NPAS3: variants seen among roughly 807,000 people sequenced by gnomAD.
The protein encoded by NPAS3 is neuronal PAS domain protein 3, also known as neuronal PAS domain-containing protein 3.
NPAS3 carries 14 observed loss-of-function variants against 73.1 expected under a neutral mutation model. The ratio of observed to expected loss-of-function variants is 0.19; its 90% CI spans 0.13 to 0.30. The LOEUF is 0.30. NPAS3 is among the 10% of genes least tolerant of loss of function. NPAS3 has a pLI of 1.00. For missense variants in NPAS3, 1,096 were observed against 1,250.0 expected (o/e 0.88, Z 1.86); for synonymous variants, 620 against 541.5 (o/e 1.14, Z -2.01).
chr14:33,580,737 A>G (rs1265225185), intron 5 of NPAS3, among the ~76,000 whole-genome samples: 1 of 152,108 alleles, frequency 6.6e-6, no homozygotes, highest in African/African-American at 2.4e-5. Flanking sequence ...TCCAACTTCG[A>G]CCTAGAACTA....
chr14:33,128,035 AATTTT>A (rs1461962859), intron 2 of NPAS3, among the ~76,000 whole-genome samples: 30 of 152,096 alleles, frequency 2.0e-4, no homozygotes, highest in African/African-American at 7.2e-4. Context: ...GAAATGGTAA[AATTTT>A]ATTTTCTTTC....
intron 2 of NPAS3, among the ~76,000 whole-genome samples, chr14:33,211,506 A>G (rs1402766798): frequency 4.6e-5 from 7 of 152,112 alleles, no homozygotes. Flanking sequence ...GTGAGCCAAG[A>G]TCGAACCATT....
chr14:33,171,821 G>A (rs1418027759), intron 2 of NPAS3, among the ~76,000 whole-genome samples: 3 of 152,170 alleles, frequency 2.0e-5, no homozygotes, highest in African/African-American at 4.8e-5. Flanking sequence ...TTTTCGACGT[G>A]CCTTTCTCAC....
chr14:33,303,028 C>A (rs908150983), intron 3 of NPAS3, among the ~76,000 whole-genome samples: 8 of 151,982 alleles, frequency 5.3e-5, no homozygotes, highest in Non-Finnish European at 1.2e-4. Context: ...AAAATGGCTT[C>A]TCGCAACTAT....
chr14:33,008,731 A>G (rs1054048217), intron 1 of NPAS3, among the ~76,000 whole-genome samples: 1 of 152,228 alleles, frequency 6.6e-6, no homozygotes, highest in Admixed American at 6.5e-5. Context: ...TAGAATGGGC[A>G]TGCGATTTAT....
chr14:33,313,801 T>A (rs1037308448), intron 3 of NPAS3, among the ~76,000 whole-genome samples: 1 of 152,126 alleles, frequency 6.6e-6, no homozygotes, highest in African/African-American at 2.4e-5. Context: ...ATGTTCACTT[T>A]GGGATTTCGA....
intron 5 of NPAS3, among the ~76,000 whole-genome samples, chr14:33,666,424 G>T (rs937248846): frequency 2.0e-5 from 3 of 152,182 alleles, no homozygotes; most frequent in African/African-American, 7.2e-5. Context: ...AGACATACTA[G>T]TGCTACTCAA....
chr14:33,748,736 A>T (rs1327774439), intron 7 of NPAS3, among the ~76,000 whole-genome samples: 1 of 152,198 alleles, frequency 6.6e-6, no homozygotes, highest in Non-Finnish European at 1.5e-5. Context: ...TTTGATGTTC[A>T]TTCGTCATTG....
At chr14:33,558,905 C>A (rs1211783753) in intron 4 of NPAS3, among the ~76,000 whole-genome samples, 1 of 150,106 alleles carries the variant, frequency 6.7e-6, no homozygotes, top group Non-Finnish European at 1.5e-5. Context: ...GTACAAGCAG[C>A]ATTTGTGCAA....
chr14:33,067,623 G>A (rs544897202), intron 2 of NPAS3, among the ~76,000 whole-genome samples: 2 of 152,308 alleles, frequency 1.3e-5, no homozygotes, highest in South Asian at 4.1e-4. Flanking sequence ...CTAGTGAACT[G>A]TGTTTTGTCT....
At chr14:33,716,120 C>G (rs10144092) in intron 6 of NPAS3, among the ~76,000 whole-genome samples, 10,461 of 152,242 alleles carry the variant, frequency 0.069, 1,089 homozygotes, top group African/African-American at 0.22. Context: ...ACCACTATCT[C>G]ATTGGTCTTT....
At chr14:33,741,171 G>A (rs896992407) in intron 7 of NPAS3, among the ~76,000 whole-genome samples, 1 of 152,132 alleles carries the variant, frequency 6.6e-6, no homozygotes, top group Non-Finnish European at 1.5e-5. Context: ...TTCCTTATCT[G>A]AGATTCAGAG....
At chr14:33,425,514 C>T (rs1004470459) in intron 4 of NPAS3, among the ~76,000 whole-genome samples, 3 of 150,320 alleles carry the variant, frequency 2.0e-5, no homozygotes, top group African/African-American at 7.4e-5. Flanking sequence ...TATACTCAAG[C>T]CAGATTCTCC....
At chr14:33,784,760 T>TTTTTGAGACAGAG (rs2063114494) in intron 9 of NPAS3, among the ~76,000 whole-genome samples, 1 of 132,270 alleles carries the variant, frequency 7.6e-6, no homozygotes, top group African/African-American at 2.9e-5. Context: ...TTTTTTTTTT[T>TTTTTGAGACAGAG]TTTTTTTGAG....
chr14:33,481,759 C>T (rs150699494), intron 4 of NPAS3, among the ~76,000 whole-genome samples: 4 of 151,574 alleles, frequency 2.6e-5, no homozygotes, highest in Non-Finnish European at 5.9e-5. Context: ...TTCACCAGGA[C>T]GTGTGTTTCA....
chr14:33,647,197 C>T (rs1241976433), intron 5 of NPAS3, among the ~76,000 whole-genome samples: 3 of 152,022 alleles, frequency 2.0e-5, no homozygotes, highest in Non-Finnish European at 4.4e-5. Flanking sequence ...AGCATAAATC[C>T]TTCCAGAATG....
At chr14:33,610,684 G>A (rs1041197391) in intron 5 of NPAS3, among the ~76,000 whole-genome samples, 2 of 152,160 alleles carry the variant, frequency 1.3e-5, no homozygotes, top group Non-Finnish European at 2.9e-5. Flanking sequence ...TCCTATTTCA[G>A]TAGCTTTCCA....
chr14:33,617,925 A>G (rs545471938), intron 5 of NPAS3, among the ~76,000 whole-genome samples: 285 of 152,298 alleles, frequency 1.9e-3, no homozygotes, highest in Non-Finnish European at 2.1e-3. Flanking sequence ...AAAATGGCTG[A>G]CACTTGCATC....
At position 33,676,477 on chromosome 14, in the gene NPAS3, G is replaced by T. The variant is rs1045883392; in HGVS notation, c.733+92G>T. ...TACCCATGTGAAGAGACTATAAATA[G>T]GTCTAAGGGTATTTAACAATTCCAT... On this transcript the variant is annotated intron_variant, in intron 6 of 11. Transcript: ENST00000356141. 38 of 1,034,522 alleles carry T rather than the reference G, an allele frequency of 3.7e-5. No homozygotes were observed. The East Asian group carries it at 1.1e-3, about 30-fold the overall frequency. 64.1% of individuals were successfully genotyped at this position (1,034,522 alleles called of 1,614,324 possible).
Sources: gnomAD v4.1 joint callset for allele counts (sites outside exome capture counted in the v4.1 genomes callset) on GRCh38, gnomAD v4.1.1 for gene constraint, MANE v1.5 for transcripts, NCBI Gene and HGNC (gene_info 2026-07-23, HGNC 2026-07-21) for gene names.